Variants in RAB31 observed in about 807,000 individuals in gnomAD.
The protein encoded by RAB31 is RAB31, member RAS oncogene family, also known as ras-related protein Rab-31.
In RAB31, 21 loss-of-function variants were observed where a neutral mutation model predicts 25.6. That is an observed-to-expected ratio of 0.82 (90% confidence interval 0.58 to 1.18). RAB31 has a LOEUF of 1.18. Among genes scored for constraint, RAB31 ranks in the 50% most tolerant of loss-of-function variants. The probability of loss-of-function intolerance (pLI) is 0.00; values close to 1 mark genes in which losing one functional copy is unlikely to be tolerated. For missense variants in RAB31, 196 were observed against 250.1 expected (o/e 0.78, Z 1.46); for synonymous variants, 87 against 84.0 (o/e 1.04, Z -0.20).
At chr18:9,719,333 A>T (rs2068062526) in intron 1 of RAB31, among the ~76,000 whole-genome samples, 1 of 66,270 alleles carries the variant, frequency 1.5e-5, no homozygotes, top group African/African-American at 5.8e-5. Flanking sequence ...ATATATAAAT[A>T]AATAAATTTG....
At chr18:9,809,924 T>C (rs1020434035) in intron 3 of RAB31, among the ~76,000 whole-genome samples, 1 of 152,230 alleles carries the variant, frequency 6.6e-6, no homozygotes, top group Admixed American at 6.5e-5. Context: ...GCAGGGTTAA[T>C]GTCCATCTGC....
intron 5 of RAB31, 29 bp downstream of exon 5, chr18:9,815,251 A>G (rs970659160): frequency 4.1e-6 from 6 of 1,449,812 alleles, no homozygotes; most frequent in Non-Finnish European, 3.8e-6. Flanking sequence ...TCTTTTGTGT[A>G]GATACTGTCC....
chr18:9,759,507 T>A (rs944807974), intron 1 of RAB31, among the ~76,000 whole-genome samples: 12 of 151,914 alleles, frequency 7.9e-5, no homozygotes, highest in Admixed American at 3.9e-4. Flanking sequence ...GGTCATAGAT[T>A]GCTTTGCGAA....
At chr18:9,733,652 G>A (rs1398425959) in intron 1 of RAB31, among the ~76,000 whole-genome samples, 1 of 152,168 alleles carries the variant, frequency 6.6e-6, no homozygotes, top group Non-Finnish European at 1.5e-5. Context: ...CGGTCCACAG[G>A]TGGGTGTGGA....
At chr18:9,753,768 G>A (rs2068247032) in intron 1 of RAB31, among the ~76,000 whole-genome samples, 1 of 152,130 alleles carries the variant, frequency 6.6e-6, no homozygotes, top group African/African-American at 2.4e-5. Flanking sequence ...AATTGTGGTG[G>A]GGCTCAAGTT....
In RAB31 at chr18:9,815,315, C is replaced by G. The variant is rs1056848510; in HGVS notation, c.380+93C>G. 4.4e-4 allele frequency: 217 copies of G among 491,514 alleles called. 1 individual carries two copies. Among genetic ancestry groups the G allele is most frequent in the Middle Eastern group, 3.3e-3 (8 of 2,456 alleles). The allele number at this position is 491,514 out of a possible 1,614,324, so 30.4% of individuals were successfully genotyped here. A position where few individuals can be genotyped will look rare whatever the true frequency, so the allele number is the denominator to read the frequency against. On this transcript the variant is annotated intron_variant, in intron 5 of 6. Coordinates refer to ENST00000578921, the MANE Select transcript of RAB31 (RefSeq NM_006868.4). ...ACTGTCCTCCATCCCTGAGTGTCATCCGTGTAGATGCTGTCCTCCATCCCT... is the reference window on the plus strand; with the variant it reads ...ACTGTCCTCCATCCCTGAGTGTCATGCGTGTAGATGCTGTCCTCCATCCCT...
rs142420113 is a variant in RAB31 at position 9,819,690 on chromosome 18, C to G, written c.380+4468C>G. 4.6e-5 allele frequency among the ~76,000 whole-genome samples: 7 copies of G among 152,066 alleles called. No individual in the cohort carries two copies. In the East Asian group the frequency reaches 7.7e-4, roughly 17 times the overall value. The stretch of plus-strand genomic sequence containing the variant: ...CCCATCTTAACAATTTTAAGTCTTC[C>G]GATCCATCAGTGTGAAATGTCTTTT... On this transcript the variant is annotated intron_variant, in intron 5 of 6. Coordinates refer to ENST00000578921, the MANE Select transcript of RAB31 (RefSeq NM_006868.4).
intron 1 of RAB31, among the ~76,000 whole-genome samples, chr18:9,743,472 G>A (rs1240840733): frequency 2.0e-5 from 3 of 152,108 alleles, no homozygotes; most frequent in Non-Finnish European, 4.4e-5. Context: ...ATTTCCTGGC[G>A]GGTTGATTCA....
At chr18:9,717,207 G>C (rs973878436) in intron 1 of RAB31, among the ~76,000 whole-genome samples, 6 of 152,120 alleles carry the variant, frequency 3.9e-5, no homozygotes, top group African/African-American at 1.4e-4. Context: ...CGAAAAGTCG[G>C]ATTTAACATC....
intron 3 of RAB31, among the ~76,000 whole-genome samples, chr18:9,805,819 G>C (rs1349941077): frequency 6.6e-6 from 1 of 152,194 alleles, no homozygotes; most frequent in African/African-American, 2.4e-5. Flanking sequence ...AGCAACACAG[G>C]AATGGAAAAT....
intron 1 of RAB31, among the ~76,000 whole-genome samples, chr18:9,740,878 T>A (rs959895057): frequency 2.0e-5 from 3 of 152,184 alleles, no homozygotes; most frequent in Admixed American, 6.5e-5. Context: ...GGGTCTCTAA[T>A]GGCAGAGGTG....
intron 2 of RAB31, among the ~76,000 whole-genome samples, chr18:9,781,443 A>G (rs533698927): frequency 8.5e-5 from 13 of 152,236 alleles, no homozygotes; most frequent in East Asian, 3.9e-4. Flanking sequence ...CAGCCTCCCA[A>G]GTAGCTGGGA....
chr18:9,811,226 C>T (rs1168590905), intron 3 of RAB31, among the ~76,000 whole-genome samples: 4 of 152,196 alleles, frequency 2.6e-5, no homozygotes, highest in African/African-American at 4.8e-5. Context: ...CCCTGAGCTT[C>T]GTCCAACCTT....
chr18:9,856,230 G>C (rs980473095), intron 6 of RAB31: 2 of 152,154 alleles, frequency 1.3e-5, no homozygotes, highest in African/African-American at 4.8e-5. Flanking sequence ...ATGCAGGAGG[G>C]GAGTCTTCTT....
At chr18:9,738,216 T>C (rs572813739) in intron 1 of RAB31, among the ~76,000 whole-genome samples, 4 of 152,300 alleles carry the variant, frequency 2.6e-5, no homozygotes, top group Admixed American at 1.3e-4. Context: ...GTGAAATGTG[T>C]ATTTGGTCTT....
chr18:9,825,046 G>A (rs1180382446), intron 5 of RAB31, among the ~76,000 whole-genome samples: 3 of 152,182 alleles, frequency 2.0e-5, no homozygotes, highest in Non-Finnish European at 4.4e-5. Flanking sequence ...TGGTGGGGCA[G>A]GCCATTCTGT....
intron 1 of RAB31, among the ~76,000 whole-genome samples, chr18:9,774,246 T>G (rs1174997527): frequency 4.6e-5 from 7 of 152,172 alleles, no homozygotes; most frequent in Non-Finnish European, 1.0e-4. Flanking sequence ...CTGTGTGGGC[T>G]TATCCAGCTT....
intron 1 of RAB31, among the ~76,000 whole-genome samples, chr18:9,764,308 C>T (rs1411656822): frequency 6.6e-6 from 1 of 152,122 alleles, no homozygotes; most frequent in African/African-American, 2.4e-5. Flanking sequence ...TCTTTTTATC[C>T]CCTGTCCTTG....
intron 3 of RAB31, among the ~76,000 whole-genome samples, chr18:9,802,232 T>C (rs889477895): frequency 2.0e-5 from 3 of 152,252 alleles, no homozygotes; most frequent in Admixed American, 6.5e-5. Context: ...GGGATTTTGG[T>C]CAGGATTATG....
Sources: allele counts gnomAD v4.1 joint callset (sites outside exome capture counted in the v4.1 genomes callset), GRCh38; gene constraint gnomAD v4.1.1; transcripts MANE v1.5; gene names NCBI Gene and HGNC (gene_info 2026-07-23, HGNC 2026-07-21).